Variants in UGT1A10 observed in about 807,000 individuals in gnomAD.
UGT1A10 encodes the protein UDP glucuronosyltransferase family 1 member A10, also known as UDP-glucuronosyltransferase 1A10.
Under a neutral mutation model 45.8 loss-of-function variants are expected in UGT1A10, and 49 were observed. The ratio of observed to expected loss-of-function variants is 1.07; its 90% CI spans 0.85 to 1.36. UGT1A10 has a LOEUF of 1.36. Among genes scored for constraint, UGT1A10 ranks in the 40% most tolerant of loss-of-function variants. The pLI is 0.00. For synonymous variants in UGT1A10, 284 were observed against 249.7 expected, an observed-to-expected ratio of 1.14 and a Z score of -1.29; for missense variants, 745 against 668.6, an observed-to-expected ratio of 1.11 and a Z score of -1.26.
At chr2:233,755,384 G>A in intron 1 of UGT1A10, 2 of 348,148 alleles carry the variant, frequency 5.7e-6, no homozygotes, top group Non-Finnish European at 1.1e-5. Context: ...CGCCCCTTAT[G>A]ACGCAGCCAC....
At chr2:233,679,324 G>A (rs894349525) in intron 1 of UGT1A10, among the ~76,000 whole-genome samples, 2 of 152,178 alleles carry the variant, frequency 1.3e-5, no homozygotes, top group East Asian at 1.9e-4. Flanking sequence ...CAGAAAACGC[G>A]TTCTTATTGT....
intron 1 of UGT1A10, among the ~76,000 whole-genome samples, chr2:233,658,208 A>G (rs1457920228): frequency 2.0e-5 from 3 of 151,956 alleles, no homozygotes; most frequent in Non-Finnish European, 4.4e-5. Flanking sequence ...TAGTAGACAC[A>G]GGGTTTCACC....
At chr2:233,666,329 G>T (rs943158790) in intron 1 of UGT1A10, among the ~76,000 whole-genome samples, 9 of 152,176 alleles carry the variant, frequency 5.9e-5, no homozygotes, top group African/African-American at 2.2e-4. Context: ...CACTTGATTT[G>T]GGAGGGACAG....
At position 233,768,261 on chromosome 2, in the gene UGT1A10, C is replaced by T; in HGVS notation, c.1117C>T (p.His373Tyr). The change falls in exon 4 of 5, where the codon CAT becomes TAT. Residue 373 changes from histidine to tyrosine, a missense_variant. His to Tyr is a moderately conservative substitution (Grantham distance 83). Coordinates refer to ENST00000344644, the MANE Select transcript of UGT1A10 (RefSeq NM_019075.4). ...TRAFITHAGS[H>Y]GVYESICNGV... ...TGCCTTTATCACCCATGCTGGTTCC[C>T]ATGGTGTTTATGAAAGCATATGCAA... 6.8e-6 allele frequency: 11 copies of T among 1,614,164 alleles called. No individual in the cohort carries two copies. Among genetic ancestry groups the T allele is most frequent in the Non-Finnish European group, 9.3e-6 (11 of 1,180,032 alleles).
At chr2:233,648,786 G>A (rs898515566) in intron 1 of UGT1A10, 2 of 864,546 alleles carry the variant, frequency 2.3e-6, no homozygotes, top group South Asian at 2.8e-5. Flanking sequence ...CTTTTAAGGA[G>A]AGAGTAAGGA....
intron 1 of UGT1A10, among the ~76,000 whole-genome samples, chr2:233,658,478 A>G (rs2073901437): frequency 6.6e-6 from 1 of 152,174 alleles, no homozygotes; most frequent in Non-Finnish European, 1.5e-5. Context: ...TGGATACCAA[A>G]TGACATTTAG....
chr2:233,714,641 A>G (rs2076402561), intron 1 of UGT1A10, among the ~76,000 whole-genome samples: 1 of 152,230 alleles, frequency 6.6e-6, no homozygotes. Flanking sequence ...ATTAATGTGA[A>G]TAATGCATTT....
At chr2:233,768,790 G>T (rs1021832155) in intron 4 of UGT1A10, among the ~76,000 whole-genome samples, 16 of 151,906 alleles carry the variant, frequency 1.1e-4, no homozygotes, top group African/African-American at 3.9e-4. Context: ...CACCATGTTT[G>T]TCAGGCTGGT....
chr2:233,693,246 C>T (rs747771330), intron 1 of UGT1A10: 21 of 1,613,944 alleles, frequency 1.3e-5, no homozygotes, highest in African/African-American at 6.7e-5. Context: ...TATCCAGTGC[C>T]GTATGACCAA....
chr2:233,653,089 G>A (rs1229009856), intron 1 of UGT1A10, among the ~76,000 whole-genome samples: 1 of 152,218 alleles, frequency 6.6e-6, no homozygotes, highest in Non-Finnish European at 1.5e-5. Flanking sequence ...CTCCTGGGAG[G>A]CAACCACAGT....
intron 1 of UGT1A10, among the ~76,000 whole-genome samples, chr2:233,685,897 C>T (rs1559341876): frequency 1.3e-5 from 2 of 152,180 alleles, no homozygotes; most frequent in South Asian, 4.2e-4. Context: ...AATATTATCT[C>T]ATTTTCAATC....
intron 1 of UGT1A10, chr2:233,712,955 T>C (rs766040798): frequency 1.9e-6 from 3 of 1,612,766 alleles, no homozygotes; most frequent in Non-Finnish European, 2.5e-6. Context: ...AGGCACAACG[T>C]GGGGTGGACA....
intron 1 of UGT1A10, among the ~76,000 whole-genome samples, chr2:233,688,342 C>T (rs10168333): frequency 0.39 from 59,258 of 152,058 alleles, 11,741 homozygotes; most frequent in South Asian, 0.45. Flanking sequence ...TTCCCATTTT[C>T]AGCCATGAAA....
intron 1 of UGT1A10, among the ~76,000 whole-genome samples, chr2:233,684,263 C>T (rs2074671170): frequency 6.6e-6 from 1 of 152,156 alleles, no homozygotes; most frequent in African/African-American, 2.4e-5. Context: ...AGTTGTAGGC[C>T]TTTCAAATGA....
At position 233,636,658 on chromosome 2, in the gene UGT1A10, G is replaced by T. The variant is rs1381848730; in HGVS notation, c.136G>T (p.Glu46Ter). ...CTGGTTCACCATGCAGTCGGTGGTG[G>T]AGAAACTTATCCTCAGGGGGCATGA... ...SHWFTMQSVV[E>*]KLILRGHEVV... Residue 46 changes from glutamate to a stop codon, truncating the protein, a stop_gained, in exon 1 of 5, where the codon GAG becomes TAG. Transcript: ENST00000344644. LOFTEE classifies it high-confidence loss of function. 2 of 1,614,176 alleles carry T rather than the reference G, an allele frequency of 1.2e-6. No homozygotes were observed. Among genetic ancestry groups the T allele is most frequent in the East Asian group, 2.2e-5 (1 of 44,882 alleles).
chr2:233,745,744 G>A (rs1406161320), intron 1 of UGT1A10, among the ~76,000 whole-genome samples: 1 of 149,304 alleles, frequency 6.7e-6, no homozygotes, highest in Non-Finnish European at 1.5e-5. Context: ...GAGGGAGGGG[G>A]CAAGCAGAAG....
rs766438569 is a variant in UGT1A10, at chr2:233,729,630, T to G, written c.856-37404T>G. 4 of 1,613,982 alleles carry G rather than the reference T, an allele frequency of 2.5e-6. No homozygotes were observed. The South Asian group carries it at 4.4e-5, about 18-fold the overall frequency. ...TGCTGGCTAAGTACCTGTCGATTCCTACTGTGTTTTTTTTGAGGAACATTC... is the reference window on the plus strand; with the variant it reads ...TGCTGGCTAAGTACCTGTCGATTCCGACTGTGTTTTTTTTGAGGAACATTC... On this transcript the variant is annotated intron_variant, in intron 1 of 4. Transcript: ENST00000344644.
chr2:233,733,904 C>T (rs1479410673), intron 1 of UGT1A10, among the ~76,000 whole-genome samples: 1 of 151,462 alleles, frequency 6.6e-6, no homozygotes, highest in Non-Finnish European at 1.5e-5. Context: ...TTGTACCTCT[C>T]TGGTAGAATT....
At chr2:233,709,236 C>T (rs1559356287) in intron 1 of UGT1A10, among the ~76,000 whole-genome samples, 1 of 152,028 alleles carries the variant, frequency 6.6e-6, no homozygotes, top group Non-Finnish European at 1.5e-5. Flanking sequence ...GAGGGGTGGC[C>T]GCTGGGATGA....
Sources: gnomAD v4.1 joint callset for allele counts (sites outside exome capture counted in the v4.1 genomes callset) on GRCh38, gnomAD v4.1.1 for gene constraint, MANE v1.5 for transcripts, NCBI Gene and HGNC (gene_info 2026-07-23, HGNC 2026-07-21) for gene names.